The following GTF2F2 variants were observed in gnomAD, a reference collection of about 807,000 sequenced individuals.
GTF2F2 encodes the protein ATP-dependent helicase GTF2F2.
Under a neutral mutation model 42.2 loss-of-function variants are expected in GTF2F2, and 23 were observed. The observed-to-expected ratio is 0.55, with a 90% CI of 0.39 to 0.77. The LOEUF (loss-of-function observed/expected upper bound fraction) is 0.77. Among genes scored for constraint, GTF2F2 ranks in the 30% least tolerant of loss-of-function variants. GTF2F2 has a pLI of 0.00. For synonymous variants in GTF2F2, 105 were observed against 100.8 expected (o/e 1.04, Z -0.25); for missense variants, 261 against 287.2 (o/e 0.91, Z 0.66).
At chr13:45,238,707 G>A (rs1350736807) in intron 5 of GTF2F2, among the ~76,000 whole-genome samples, 1 of 152,136 alleles carries the variant, frequency 6.6e-6, no homozygotes, top group Non-Finnish European at 1.5e-5. Flanking sequence ...CACTTTGGGA[G>A]GCCGAGGCAG....
At chr13:45,126,669 GTA>G (rs74263230) in intron 1 of GTF2F2, among the ~76,000 whole-genome samples, 30,486 of 152,064 alleles carry the variant, frequency 0.2, 3,260 homozygotes, top group Non-Finnish European at 0.22. Flanking sequence ...AACGGACATG[GTA>G]TATATACTGT....
At chr13:45,187,439 A>G (rs1419351654) in intron 4 of GTF2F2, among the ~76,000 whole-genome samples, 1 of 151,536 alleles carries the variant, frequency 6.6e-6, no homozygotes, top group Non-Finnish European at 1.5e-5. Flanking sequence ...ATAACAACTT[A>G]TATGTGTTCA....
chr13:45,195,817 T>C (rs1405687754), intron 4 of GTF2F2, among the ~76,000 whole-genome samples: 1 of 152,166 alleles, frequency 6.6e-6, no homozygotes, highest in Non-Finnish European at 1.5e-5. Context: ...TGTTGTAGTT[T>C]TAGTTTTTAA....
intron 4 of GTF2F2, among the ~76,000 whole-genome samples, chr13:45,153,114 A>G (rs938696393): frequency 1.3e-5 from 2 of 150,218 alleles, no homozygotes; most frequent in African/African-American, 2.5e-5. Flanking sequence ...GGTTCACGCC[A>G]TTCTCCTGCC....
intron 5 of GTF2F2, among the ~76,000 whole-genome samples, chr13:45,249,218 C>A (rs5029138): frequency 1.3e-5 from 2 of 151,676 alleles, no homozygotes; most frequent in Non-Finnish European, 2.9e-5. Flanking sequence ...CGATTCAAAG[C>A]GAGTTAAAGT....
At chr13:45,269,196 T>A (rs1202997501) in intron 7 of GTF2F2, among the ~76,000 whole-genome samples, 1 of 152,202 alleles carries the variant, frequency 6.6e-6, no homozygotes, top group African/African-American at 2.4e-5. Context: ...TCCCTAAATA[T>A]TCATATACCC....
At chr13:45,211,335 C>T (rs568655163) in intron 5 of GTF2F2, among the ~76,000 whole-genome samples, 1 of 150,432 alleles carries the variant, frequency 6.6e-6, no homozygotes, top group Non-Finnish European at 1.5e-5. Context: ...TTTACAATTA[C>T]CCAACATTAT....
At chr13:45,266,340 C>T (rs935482515) in intron 6 of GTF2F2, among the ~76,000 whole-genome samples, 2 of 152,120 alleles carry the variant, frequency 1.3e-5, no homozygotes, top group Non-Finnish European at 2.9e-5. Flanking sequence ...TATATAATTA[C>T]CCCTTTCTCT....
In GTF2F2 at chr13:45,198,766, C is replaced by CTT. The variant is rs200723716; in HGVS notation, c.305-8650_305-8649dup. Among the ~76,000 whole-genome samples the CTT allele has an allele frequency of 4.0e-5, 6 of 150,306 alleles. No individual in the cohort carries two copies. In the South Asian group the frequency reaches 1.3e-3, roughly 32 times the overall value. ...CCTCTGCCTTTCACAAGCTGAGTTT[C>CTT]TTTTTTTTTAACATGTACTTGCTTC... On this transcript the variant is annotated intron_variant, in intron 4 of 7. Coordinates refer to ENST00000340473, the MANE Select transcript of GTF2F2 (RefSeq NM_004128.3).
intron 5 of GTF2F2, among the ~76,000 whole-genome samples, chr13:45,234,137 A>G (rs1422650911): frequency 1.3e-5 from 2 of 152,256 alleles, no homozygotes; most frequent in East Asian, 3.8e-4. Flanking sequence ...TTATGGCTTT[A>G]ATAGCCTGTA....
At chr13:45,154,524 A>T (rs1870657586) in intron 4 of GTF2F2, among the ~76,000 whole-genome samples, 1 of 152,214 alleles carries the variant, frequency 6.6e-6, no homozygotes, top group African/African-American at 2.4e-5. Flanking sequence ...GTGATAATAC[A>T]AATGCAGTTC....
chr13:45,154,201 A>G (rs1238362192), intron 4 of GTF2F2, among the ~76,000 whole-genome samples: 1 of 152,092 alleles, frequency 6.6e-6, no homozygotes, highest in African/African-American at 2.4e-5. Context: ...TGTAGAAAAA[A>G]GTACCCTATT....
chr13:45,180,298 TAAA>T (rs1439660286), intron 4 of GTF2F2, among the ~76,000 whole-genome samples: 1 of 152,186 alleles, frequency 6.6e-6, no homozygotes, highest in East Asian at 1.9e-4. Context: ...TCTCTTTTCT[TAAA>T]AAACACTCAT....
chr13:45,123,967 C>G (rs1868830064), intron 1 of GTF2F2: 3 of 756,988 alleles, frequency 4.0e-6, no homozygotes, highest in Non-Finnish European at 6.7e-6. Context: ...TTGAGGGTCT[C>G]TCTCTTCCTC....
intron 4 of GTF2F2, among the ~76,000 whole-genome samples, chr13:45,165,211 T>C (rs1429559565): frequency 6.7e-6 from 1 of 149,822 alleles, no homozygotes; most frequent in Non-Finnish European, 1.5e-5. Context: ...TATATATTCA[T>C]ATATATGTGG....
At chr13:45,276,763 T>C (rs180723533) in intron 7 of GTF2F2, among the ~76,000 whole-genome samples, 2 of 152,334 alleles carry the variant, frequency 1.3e-5, no homozygotes, top group African/African-American at 4.8e-5. Flanking sequence ...GAAGCATGTC[T>C]TTAAACAAAG....
chr13:45,200,224 G>A (rs762898878), intron 4 of GTF2F2, among the ~76,000 whole-genome samples: 1 of 152,002 alleles, frequency 6.6e-6, no homozygotes, highest in Non-Finnish European at 1.5e-5. Context: ...ACAGGGAGGA[G>A]GGAAAGAATT....
intron 5 of GTF2F2, among the ~76,000 whole-genome samples, chr13:45,218,839 T>A (rs1873992487): frequency 6.6e-6 from 1 of 152,236 alleles, no homozygotes; most frequent in Non-Finnish European, 1.5e-5. Context: ...GATCAGGATT[T>A]AAATATTCCT....
intron 4 of GTF2F2, among the ~76,000 whole-genome samples, chr13:45,179,530 A>C (rs946308314): frequency 6.6e-6 from 1 of 152,176 alleles, no homozygotes; most frequent in Admixed American, 6.5e-5. Flanking sequence ...GAAGGTATAT[A>C]GTCCTTTGGG....
Sources: gnomAD v4.1 joint callset for allele counts (sites outside exome capture counted in the v4.1 genomes callset) on GRCh38, gnomAD v4.1.1 for gene constraint, MANE v1.5 for transcripts, NCBI Gene and HGNC (gene_info 2026-07-23, HGNC 2026-07-21) for gene names.